NPFFR2: variants seen among roughly 807,000 people sequenced by gnomAD.
NPFFR2 encodes the protein G-protein coupled receptor 74.
A neutral mutation model predicts 13.1 loss-of-function variants in NPFFR2; 15 were observed. The ratio of observed to expected loss-of-function variants is 1.15; its 90% CI spans 0.77 to 1.76. The LOEUF (loss-of-function observed/expected upper bound fraction) is 1.76, where lower values mean the gene tolerates loss of function less well. NPFFR2 is among the 40% of genes most tolerant of loss of function. The pLI is 0.00. For synonymous variants in NPFFR2, 190 were observed against 175.7 expected (o/e 1.08, Z -0.65); for missense variants, 572 against 503.5 (o/e 1.14, Z -1.30).
chr4:72,107,907 A>G (rs994464601), intron 1 of NPFFR2, among the ~76,000 whole-genome samples: 7 of 152,066 alleles, frequency 4.6e-5, no homozygotes, highest in African/African-American at 1.7e-4. Context: ...AGTTATTTTT[A>G]TGCATATTGT....
intron 1 of NPFFR2, among the ~76,000 whole-genome samples, chr4:72,119,051 A>G (rs1578467248): frequency 1.2e-5 from 1 of 82,888 alleles, no homozygotes; most frequent in Non-Finnish European, 3.3e-5. Context: ...TTTCCTTCAG[A>G]AAAAAAATAA....
intron 3 of NPFFR2, among the ~76,000 whole-genome samples, chr4:72,143,345 G>T (rs927220637): frequency 3.3e-5 from 5 of 152,172 alleles, no homozygotes; most frequent in African/African-American, 1.2e-4. Context: ...CTGAGAACTA[G>T]GGATAGCCAA....
At position 72,147,561 on chromosome 4, in the gene NPFFR2, G is replaced by A. The variant is rs921349649; in HGVS notation, c.1012G>A (p.Glu338Lys). The A allele has an allele frequency of 3.7e-6, 6 of 1,614,028 alleles. No individual in the cohort carries two copies. In the African/African-American group the frequency reaches 4.0e-5, roughly 11 times the overall value. ...TCCCATCATTTATGGTTTCTTCAAC[G>A]AGAATTTCCGCCGTGGTTTCCAAGA... ...VNPIIYGFFNENFRRGFQEAF... is the reference protein window; with the variant it reads ...VNPIIYGFFNKNFRRGFQEAF... The change falls in exon 4 of 4, where the codon GAG becomes AAG. Residue 338 changes from glutamate (E) to lysine (K), a missense_variant. By Grantham distance (56) the Glu-to-Lys change is moderately conservative. Transcript: ENST00000308744.
intron 3 of NPFFR2, among the ~76,000 whole-genome samples, chr4:72,143,019 G>A: frequency 6.6e-6 from 1 of 152,142 alleles, no homozygotes. Context: ...AGGGAGTAGT[G>A]GATTCACAAA....
intron 3 of NPFFR2, among the ~76,000 whole-genome samples, chr4:72,141,570 T>C (rs1408603954): frequency 1.3e-5 from 2 of 152,128 alleles, no homozygotes; most frequent in African/African-American, 2.4e-5. Flanking sequence ...TTGTGCTGTT[T>C]TGAGTGGGTT....
At chr4:72,131,604 A>G (rs1168383707) in intron 2 of NPFFR2, among the ~76,000 whole-genome samples, 1 of 152,220 alleles carries the variant, frequency 6.6e-6, no homozygotes, top group Non-Finnish European at 1.5e-5. Flanking sequence ...AATAAAAAAA[A>G]ATTGCTAGGA....
At chr4:72,052,772 T>C (rs1170261536) in intron 1 of NPFFR2, among the ~76,000 whole-genome samples, 4 of 152,000 alleles carry the variant, frequency 2.6e-5, no homozygotes, top group South Asian at 2.1e-4. Flanking sequence ...AAGAAACATT[T>C]ACAATCTATT....
intron 1 of NPFFR2, among the ~76,000 whole-genome samples, chr4:72,068,174 A>T (rs1375212273): frequency 1.3e-5 from 2 of 152,226 alleles, no homozygotes; most frequent in African/African-American, 4.8e-5. Flanking sequence ...AAAATATCAC[A>T]GACTGAGTAA....
intron 1 of NPFFR2, among the ~76,000 whole-genome samples, chr4:72,084,096 T>C (rs1720704513): frequency 6.6e-6 from 1 of 152,164 alleles, no homozygotes; most frequent in East Asian, 1.9e-4. Flanking sequence ...TTAACGACTT[T>C]CCTGCTTCTA....
intron 1 of NPFFR2, among the ~76,000 whole-genome samples, chr4:72,077,123 C>T (rs903159570): frequency 6.6e-6 from 1 of 151,944 alleles, no homozygotes; most frequent in African/African-American, 2.4e-5. Flanking sequence ...TGTTTATGTT[C>T]ATTGGTTTCC....
rs1271351991 is a variant in NPFFR2 at position 72,071,385 on chromosome 4, G to T, written c.-8+39185G>T. Reference sequence around the variant, plus strand: ...GTGAGATTTTGTTTTTGTGAGGAGCGTGTATGACCCCCCAAATAGAAGATA... The same window carrying T: ...GTGAGATTTTGTTTTTGTGAGGAGCTTGTATGACCCCCCAAATAGAAGATA... On this transcript the variant is annotated intron_variant, in intron 1 of 3. Coordinates refer to ENST00000308744, the MANE Select transcript of NPFFR2 (RefSeq NM_004885.3). Among the ~76,000 whole-genome samples, 7 of 151,710 alleles carry T rather than the reference G, an allele frequency of 4.6e-5. No homozygotes were observed. The East Asian group carries it at 1.2e-3, about 25-fold the overall frequency.
intron 1 of NPFFR2, among the ~76,000 whole-genome samples, chr4:72,075,699 T>C (rs746772573): frequency 6.6e-6 from 1 of 152,082 alleles, no homozygotes; most frequent in Non-Finnish European, 1.5e-5. Context: ...ATTCCACTTA[T>C]ATGAGGTACA....
chr4:72,139,221 T>C (rs1257038807), intron 3 of NPFFR2, among the ~76,000 whole-genome samples: 2 of 152,252 alleles, frequency 1.3e-5, no homozygotes, highest in African/African-American at 4.8e-5. Context: ...CTGTTCACTC[T>C]GATGGTAGTT....
intron 1 of NPFFR2, among the ~76,000 whole-genome samples, chr4:72,118,573 T>A (rs1366439065): frequency 6.6e-6 from 1 of 152,150 alleles, no homozygotes; most frequent in Admixed American, 6.5e-5. Context: ...TTTTAAACTC[T>A]ATGTTATTAC....
At chr4:72,058,668 T>A (rs1719833279) in intron 1 of NPFFR2, among the ~76,000 whole-genome samples, 2 of 152,104 alleles carry the variant, frequency 1.3e-5, no homozygotes, top group African/African-American at 2.4e-5. Context: ...ATTATTTGAC[T>A]GAGTTTTCTA....
intron 3 of NPFFR2, among the ~76,000 whole-genome samples, chr4:72,142,470 G>T (rs1722661233): frequency 6.6e-6 from 1 of 152,084 alleles, no homozygotes; most frequent in African/African-American, 2.4e-5. Flanking sequence ...AGATGAACCA[G>T]GTACCTCAGG....
intron 3 of NPFFR2, 121 bp downstream of exon 3, chr4:72,138,260 CTCT>C (rs2109843948): frequency 1.5e-6 from 1 of 658,472 alleles, no homozygotes; most frequent in African/African-American, 1.8e-5. Context: ...CAATATCTAC[CTCT>C]TTTTTTAAAT....
At chr4:72,053,095 A>G (rs1719638925) in intron 1 of NPFFR2, among the ~76,000 whole-genome samples, 1 of 151,822 alleles carries the variant, frequency 6.6e-6, no homozygotes, top group Non-Finnish European at 1.5e-5. Flanking sequence ...ACATGTTCTC[A>G]AGACTTCCTG....
At chr4:72,047,746 C>T (rs191637963) in intron 1 of NPFFR2, among the ~76,000 whole-genome samples, 95 of 152,142 alleles carry the variant, frequency 6.2e-4, no homozygotes, top group African/African-American at 2.1e-3. Flanking sequence ...GAAATATATG[C>T]GTATATGTTA....
Sources: allele counts gnomAD v4.1 joint callset (sites outside exome capture counted in the v4.1 genomes callset), GRCh38; gene constraint gnomAD v4.1.1; transcripts MANE v1.5; gene names NCBI Gene and HGNC (gene_info 2026-07-23, HGNC 2026-07-21).